HPSE2: variants seen among roughly 807,000 people sequenced by gnomAD.
HPSE2 encodes the protein heparanase 2 (inactive), also known as inactive heparanase-2.
A neutral mutation model predicts 60.5 loss-of-function variants in HPSE2; 38 were observed. The observed-to-expected ratio is 0.63, with a 90% CI of 0.48 to 0.82. HPSE2 has a LOEUF of 0.82. HPSE2 is among the 40% of genes least tolerant of loss of function. The probability of loss-of-function intolerance (pLI) is 0.00; values close to 1 mark genes in which losing one functional copy is unlikely to be tolerated. For synonymous variants in HPSE2, 295 were observed against 293.2 expected, an observed-to-expected ratio of 1.01 and a Z score of -0.06; for missense variants, 713 against 740.4, an observed-to-expected ratio of 0.96 and a Z score of 0.43.
At chr10:99,092,859 A>C (rs1308538087) in intron 3 of HPSE2, among the ~76,000 whole-genome samples, 3 of 152,228 alleles carry the variant, frequency 2.0e-5, no homozygotes, top group African/African-American at 7.2e-5. Flanking sequence ...AGACTTGTTG[A>C]CTTCCGAGAA....
chr10:98,776,263 T>A (rs1806587), intron 3 of HPSE2, among the ~76,000 whole-genome samples: 5,281 of 130,272 alleles, frequency 0.041, 201 homozygotes, highest in East Asian at 0.18. Context: ...TGAAACCCCA[T>A]CTCTACTAAA....
the HPSE2 span, among the ~76,000 whole-genome samples, chr10:99,303,198 T>C: frequency 6.6e-6 from 1 of 152,172 alleles, no homozygotes; most frequent in East Asian, 1.9e-4. Context: ...AACAAGGATA[T>C]TAGCAAAGTT....
chr10:98,793,612 A>T (rs944952037), intron 3 of HPSE2, among the ~76,000 whole-genome samples: 30 of 152,348 alleles, frequency 2.0e-4, no homozygotes, highest in African/African-American at 6.0e-4. Flanking sequence ...CTTAAACAAC[A>T]TACATTAAGA....
intron 3 of HPSE2, among the ~76,000 whole-genome samples, chr10:99,083,093 A>G (rs977228974): frequency 6.6e-6 from 1 of 152,214 alleles, no homozygotes; most frequent in Non-Finnish European, 1.5e-5. Context: ...TAGACACTAC[A>G]TAGAAATTCA....
At chr10:98,608,057 C>T (rs1945644107) in intron 9 of HPSE2, among the ~76,000 whole-genome samples, 1 of 152,090 alleles carries the variant, frequency 6.6e-6, no homozygotes, top group African/African-American at 2.4e-5. Context: ...CTGAGGTAGA[C>T]ACTATTATTG....
Position 98,607,176 on chromosome 10 carries a change from G to A in HPSE2, c.1320+7728C>T, listed in dbSNP as rs752070372. Among the ~76,000 whole-genome samples, 77 of 150,668 alleles carry A rather than the reference G, an allele frequency of 5.1e-4. 1 individual carries two copies. Among genetic ancestry groups the A allele is most frequent in the Non-Finnish European group, 8.9e-4 (60 of 67,704 alleles). ...TCAGTGAGCTGATGAGGTTAGGTGA[G>A]TGCAGTTCTTCTCATTCCAGAGCTG... On this transcript the variant is annotated intron_variant, in intron 9 of 11. Transcript: ENST00000370552.
intron 3 of HPSE2, among the ~76,000 whole-genome samples, chr10:99,137,773 G>A (rs1845715580): frequency 6.6e-6 from 1 of 152,020 alleles, no homozygotes; most frequent in Non-Finnish European, 1.5e-5. Flanking sequence ...TGTAAGACCT[G>A]GGACCTTAAA....
intron 3 of HPSE2, among the ~76,000 whole-genome samples, chr10:98,991,315 T>C (rs1956518621): frequency 6.6e-6 from 1 of 152,130 alleles, no homozygotes; most frequent in African/African-American, 2.4e-5. Context: ...AAAGCCTCTC[T>C]GATATATGAA....
At chr10:98,746,109 A>C (rs944684068) in intron 3 of HPSE2, among the ~76,000 whole-genome samples, 1 of 143,640 alleles carries the variant, frequency 7.0e-6, no homozygotes, top group African/African-American at 2.5e-5. Context: ...CCAGAAATAA[A>C]ATCGATGTCA....
chr10:98,854,698 T>C (rs1952265557), intron 3 of HPSE2, among the ~76,000 whole-genome samples: 2 of 151,864 alleles, frequency 1.3e-5, no homozygotes, highest in Non-Finnish European at 2.9e-5. Flanking sequence ...GTAAGTAACA[T>C]ATTGAGAAAC....
chr10:99,288,682 G>C, the HPSE2 span, among the ~76,000 whole-genome samples: 1 of 137,002 alleles, frequency 7.3e-6, no homozygotes, highest in Admixed American at 8.2e-5. Context: ...CTGTACAGCA[G>C]CCTAGAGAAC....
chr10:98,836,268 A>G (rs917887760), intron 3 of HPSE2, among the ~76,000 whole-genome samples: 1 of 152,184 alleles, frequency 6.6e-6, no homozygotes. Flanking sequence ...CAATTCGTTG[A>G]AATTTTGCTC....
chr10:98,571,547 G>C (rs537079631), intron 9 of HPSE2, among the ~76,000 whole-genome samples: 45 of 152,320 alleles, frequency 3.0e-4, no homozygotes, highest in African/African-American at 1.1e-3. Context: ...TACAAAAGGA[G>C]AAACTGAGGA....
chr10:99,092,192 T>C (rs1843538196), intron 3 of HPSE2, among the ~76,000 whole-genome samples: 1 of 152,154 alleles, frequency 6.6e-6, no homozygotes, highest in African/African-American at 2.4e-5. Flanking sequence ...AACTCAGTAT[T>C]TCCCAAACCT....
intron 2 of HPSE2, among the ~76,000 whole-genome samples, chr10:99,193,834 A>G (rs1426021209): frequency 6.6e-6 from 1 of 152,162 alleles, no homozygotes; most frequent in Non-Finnish European, 1.5e-5. Flanking sequence ...CTCCAATACA[A>G]TAGTAGCTGG....
intron 3 of HPSE2, among the ~76,000 whole-genome samples, chr10:98,819,121 C>A (rs1222604674): frequency 6.6e-6 from 1 of 152,164 alleles, no homozygotes; most frequent in Non-Finnish European, 1.5e-5. Flanking sequence ...AGATAAATGA[C>A]CCCCTTTAAT....
intron 3 of HPSE2, among the ~76,000 whole-genome samples, chr10:99,061,915 C>T (rs1273298575): frequency 6.6e-6 from 1 of 152,018 alleles, no homozygotes; most frequent in Non-Finnish European, 1.5e-5. Context: ...GTTTTTTCCC[C>T]ATGGATGGGA....
Position 98,657,212 on chromosome 10 carries a change from C to CAAAAAAA in HPSE2, c.1005-15279_1005-15273dup, listed in dbSNP as rs57694497. Among the ~76,000 whole-genome samples, 64 of 138,790 alleles carry CAAAAAAA rather than the reference C, an allele frequency of 4.6e-4. 1 individual carries two copies. Among genetic ancestry groups the CAAAAAAA allele is most frequent in the Non-Finnish European group, 9.0e-4 (58 of 64,398 alleles). 91.1% of individuals were successfully genotyped at this position (138,790 alleles called of 152,430 possible). A position where few individuals can be genotyped will look rare whatever the true frequency, so the allele number is the denominator to read the frequency against. On this transcript the variant is annotated intron_variant, in intron 6 of 11. Transcript: ENST00000370552. The stretch of plus-strand genomic sequence containing the variant: ...AGAAGAGAGGTTGAGAGAAGCTGTG[C>CAAAAAAA]AAAAAAAAAAAGCATTCAATAATTC...
At chr10:98,500,260 A>G (rs915610270) in intron 9 of HPSE2, among the ~76,000 whole-genome samples, 5 of 152,212 alleles carry the variant, frequency 3.3e-5, no homozygotes, top group African/African-American at 4.8e-5. Context: ...TCCAAGATAG[A>G]ACATATGACA....
Sources: gnomAD v4.1 joint callset for allele counts (sites outside exome capture counted in the v4.1 genomes callset) on GRCh38, gnomAD v4.1.1 for gene constraint, MANE v1.5 for transcripts, NCBI Gene and HGNC (gene_info 2026-07-23, HGNC 2026-07-21) for gene names.